NSD3: variants seen among roughly 807,000 people sequenced by gnomAD.
NSD3 encodes histone-lysine N-methyltransferase NSD3.
NSD3 carries 24 observed loss-of-function variants against 160.8 expected under a neutral mutation model. The ratio of observed to expected loss-of-function variants is 0.15; its 90% CI spans 0.11 to 0.21. The LOEUF (loss-of-function observed/expected upper bound fraction) is 0.21. Among genes scored for constraint, NSD3 ranks in the 10% least tolerant of loss-of-function variants. The probability of loss-of-function intolerance (pLI) is 1.00; values close to 1 mark genes in which losing one functional copy is unlikely to be tolerated. For missense variants in NSD3, 1,157 were observed against 1,735.9 expected, an observed-to-expected ratio of 0.67 and a Z score of 5.93; for synonymous variants, 520 against 600.0, an observed-to-expected ratio of 0.87 and a Z score of 1.95.
Position 38,317,920 on chromosome 8 carries a change from A to T in NSD3, c.1855+975T>A. ...AAAGAAATCTTGCATGGAGACTACA[A>T]GTCTGGAGTTTCTGGGATGAAATTG... is the stretch of plus-strand genomic sequence containing the variant. On this transcript the variant is annotated intron_variant, in intron 9 of 23. Coordinates refer to ENST00000317025, the MANE Select transcript of NSD3 (RefSeq NM_023034.2). The surrounding 1 kb of genome is among the most constrained non-coding windows in gnomAD (Gnocchi z 5.3). 2 of 1,614,090 alleles carry T rather than the reference A, an allele frequency of 1.2e-6. No homozygotes were observed. Among genetic ancestry groups the T allele is most frequent in the Non-Finnish European group, 1.7e-6 (2 of 1,179,998 alleles).
intron 12 of NSD3, among the ~76,000 whole-genome samples, chr8:38,309,695 GA>G (rs1289390141): frequency 1.3e-5 from 2 of 152,090 alleles, no homozygotes; most frequent in African/African-American, 4.8e-5. Flanking sequence ...GGGAAGTGGG[GA>G]AAAACAGAAT....
Position 38,289,388 on chromosome 8 carries a change from C to T in NSD3, c.3231+5G>A. The stretch of plus-strand genomic sequence containing the variant: ...GGCAATCCCAGGCCAGAGATAAAGA[C>T]TTACTTTGATGTGTTTGTAGGGAGG... On this transcript the variant is annotated splice_donor_5th_base_variant and intron_variant, in intron 18 of 23. Coordinates refer to ENST00000317025, the MANE Select transcript of NSD3 (RefSeq NM_023034.2). 6.2e-7 allele frequency: 1 copy of T among 1,607,000 alleles called. No homozygotes were observed. The highest frequency in any genetic ancestry group is 8.5e-7 in the Non-Finnish European group (1 of 1,177,112).
chr8:38,378,369 C>G (rs1401773311), intron 1 of NSD3, among the ~76,000 whole-genome samples: 1 of 151,460 alleles, frequency 6.6e-6, no homozygotes, highest in African/African-American at 2.4e-5. Context: ...TGGCCGGGCA[C>G]GGTGGCTCAC....
At position 38,276,570 on chromosome 8, in the gene NSD3, C is replaced by A. The variant is rs1808606720; in HGVS notation, c.3868-70G>T. ...GCATGAAGCTGGACACAGGAAAACC[C>A]TGCAACCTTGCATTCATTTAAATTC... On this transcript the variant is annotated intron_variant, in intron 22 of 23. Transcript: ENST00000317025. 6.5e-6 allele frequency: 10 copies of A among 1,532,188 alleles called. No individual in the cohort carries two copies. In the South Asian group the frequency reaches 1.2e-4, roughly 18 times the overall value. The allele number at this position is 1,532,188 out of a possible 1,614,324, so 94.9% of individuals were successfully genotyped here.
At chr8:38,298,349 T>C (rs1006928517) in intron 15 of NSD3, among the ~76,000 whole-genome samples, 1 of 152,234 alleles carries the variant, frequency 6.6e-6, no homozygotes, top group Non-Finnish European at 1.5e-5. Flanking sequence ...ATAATCTGAC[T>C]GCAGAAAACA....
chr8:38,297,076 C>T, intron 15 of NSD3, among the ~76,000 whole-genome samples: 1 of 152,084 alleles, frequency 6.6e-6, no homozygotes, highest in East Asian at 1.9e-4. Context: ...AAATATTAAA[C>T]ATAGTTCAAA....
In NSD3 at chr8:38,274,258, C is replaced by CTCA. The variant is rs1378442778; in HGVS notation, c.*1382_*1383insTGA. ...CAAGGAATACTGGAATATACATATT[C>CTCA]CTAAGCATTAAAAGCAAGTGAGTTT... On this transcript the variant is annotated 3_prime_UTR_variant, in exon 24 of 24. Transcript: ENST00000317025. 6.6e-6 allele frequency: 1 copy of CTCA among 152,176 alleles called. No homozygotes were observed. Among genetic ancestry groups the CTCA allele is most frequent in the Non-Finnish European group, 1.5e-5 (1 of 68,034 alleles). The allele number at this position is 152,176 out of a possible 1,614,324, so 9.4% of individuals were successfully genotyped here. A position where few individuals can be genotyped will look rare whatever the true frequency, so the allele number is the denominator to read the frequency against.
At chr8:38,277,708 G>A (rs1391814476) in intron 22 of NSD3, among the ~76,000 whole-genome samples, 2 of 152,110 alleles carry the variant, frequency 1.3e-5, no homozygotes, top group African/African-American at 4.8e-5. Context: ...TAATTCAGTG[G>A]CCTTTAGTAT....
chr8:38,364,533 C>T (rs1300835542), intron 1 of NSD3, among the ~76,000 whole-genome samples: 1 of 152,158 alleles, frequency 6.6e-6, no homozygotes, highest in Non-Finnish European at 1.5e-5. Context: ...AGTTTACTCT[C>T]ATTCTAGGGG....
chr8:38,343,708 T>A (rs1353664471), intron 2 of NSD3, among the ~76,000 whole-genome samples: 2 of 152,022 alleles, frequency 1.3e-5, no homozygotes, highest in African/African-American at 4.8e-5. Flanking sequence ...GTCTCAAAAA[T>A]AAACACATAA....
chr8:38,302,422 TGAA>T (rs1246809842), intron 14 of NSD3, among the ~76,000 whole-genome samples: 1 of 152,214 alleles, frequency 6.6e-6, no homozygotes, highest in Non-Finnish European at 1.5e-5. Context: ...GAAAATAAAA[TGAA>T]GGTTATGTTT....
chr8:38,277,466 T>C (rs1487663026), intron 22 of NSD3, among the ~76,000 whole-genome samples: 3 of 151,624 alleles, frequency 2.0e-5, no homozygotes, highest in African/African-American at 7.3e-5. Context: ...TTAGTAGAGA[T>C]GGGGTTTCAC....
At chr8:38,366,562 C>T (rs1352577877) in intron 1 of NSD3, among the ~76,000 whole-genome samples, 1 of 151,774 alleles carries the variant, frequency 6.6e-6, no homozygotes. Flanking sequence ...TACAGGCGCC[C>T]GCCACCACAC....
chr8:38,309,685 G>C (rs1222218264), intron 12 of NSD3, among the ~76,000 whole-genome samples: 1 of 152,086 alleles, frequency 6.6e-6, no homozygotes, highest in South Asian at 2.1e-4. Flanking sequence ...AGGACCATGG[G>C]GGAAGTGGGG....
At chr8:38,290,432 C>T (rs367930463) in intron 17 of NSD3, 43 bp downstream of exon 17, 144 of 1,595,554 alleles carry the variant, frequency 9.0e-5, no homozygotes, top group East Asian at 2.5e-4. Flanking sequence ...AAACTGACAC[C>T]GGAGTTGTAG....
chr8:38,342,727 C>T (rs1810407610), intron 2 of NSD3, among the ~76,000 whole-genome samples: 1 of 151,464 alleles, frequency 6.6e-6, no homozygotes, highest in Non-Finnish European at 1.5e-5. Context: ...GCCACCACGC[C>T]TGGTTGTATT....
At chr8:38,378,598 T>C (rs1811460055) in intron 1 of NSD3, among the ~76,000 whole-genome samples, 1 of 151,972 alleles carries the variant, frequency 6.6e-6, no homozygotes, top group Non-Finnish European at 1.5e-5. Context: ...GCCAAGATCA[T>C]GCCACTGCAC....
intron 14 of NSD3, 55 bp from the exon 15 acceptor site, chr8:38,299,645 T>C (rs1809236297): frequency 6.9e-7 from 1 of 1,452,420 alleles, no homozygotes; most frequent in Non-Finnish European, 9.1e-7. Context: ...CATGATTCCA[T>C]GAGGAAAAAA....
At chr8:38,290,397 A>G in intron 17 of NSD3, 78 bp downstream of exon 17, 1 of 1,442,446 alleles carries the variant, frequency 6.9e-7, no homozygotes, top group Non-Finnish European at 9.7e-7. Flanking sequence ...TACCAGAAAT[A>G]TTAGGGAGGT....
Sources: allele counts gnomAD v4.1 joint callset (sites outside exome capture counted in the v4.1 genomes callset), GRCh38; gene constraint gnomAD v4.1.1; non-coding constraint Gnocchi (gnomAD v3.1); transcripts MANE v1.5; gene names NCBI Gene and HGNC (gene_info 2026-07-23, HGNC 2026-07-21).